Variants in ATP10B observed in about 807,000 individuals in gnomAD.
The protein encoded by ATP10B is phospholipid-transporting ATPase VB.
ATP10B carries 122 observed loss-of-function variants against 141.2 expected under a neutral mutation model. The ratio of observed to expected loss-of-function variants is 0.86; its 90% CI spans 0.75 to 1.00. The LOEUF (loss-of-function observed/expected upper bound fraction) is 1.00. Among genes scored for constraint, ATP10B ranks in the 50% least tolerant of loss-of-function variants. The pLI, the probability that ATP10B is intolerant of heterozygous loss-of-function variation, is 0.00. For missense variants in ATP10B, 1,876 were observed against 1,825.3 expected, an observed-to-expected ratio of 1.03 and a Z score of -0.51; for synonymous variants, 685 against 692.0, an observed-to-expected ratio of 0.99 and a Z score of 0.16.
At chr5:160,637,581 G>C (rs1017528451) in intron 10 of ATP10B, among the ~76,000 whole-genome samples, 1 of 152,190 alleles carries the variant, frequency 6.6e-6, no homozygotes, top group Non-Finnish European at 1.5e-5. Context: ...CTGCAAAGGA[G>C]ATAACAACAC....
At chr5:160,781,439 T>G (rs1424241204) in intron 2 of ATP10B, among the ~76,000 whole-genome samples, 1 of 152,080 alleles carries the variant, frequency 6.6e-6, no homozygotes, top group African/African-American at 2.4e-5. Flanking sequence ...GTTTGTTCAG[T>G]TAGCTCTTTT....
chr5:160,642,597 C>A (rs766472786), intron 9 of ATP10B, among the ~76,000 whole-genome samples: 1 of 152,072 alleles, frequency 6.6e-6, no homozygotes, highest in African/African-American at 2.4e-5. Flanking sequence ...GGACAGCCCC[C>A]GTCACAAAGA....
chr5:160,727,681 G>A, intron 2 of ATP10B, among the ~76,000 whole-genome samples: 1 of 151,940 alleles, frequency 6.6e-6, no homozygotes. Context: ...TCAGCTATGT[G>A]GTCATACAAC....
At position 160,607,088 on chromosome 5, in the gene ATP10B, T is replaced by C. The variant is rs1757436750; in HGVS notation, c.2839-2A>G. Reference sequence around the variant, plus strand: ...ATTGAGGATGGATTCACAGGTCTCCTATAAAGAAGCATAATAATACAGTAT... The same window carrying C: ...ATTGAGGATGGATTCACAGGTCTCCCATAAAGAAGCATAATAATACAGTAT... On this transcript the variant is annotated splice_acceptor_variant, in intron 18 of 25. Transcript: ENST00000327245. LOFTEE classifies it high-confidence loss of function. 1 of 1,609,152 alleles carries C rather than the reference T, an allele frequency of 6.2e-7. No individual in the cohort carries two copies. Among genetic ancestry groups the C allele is most frequent in the East Asian group, 2.2e-5 (1 of 44,756 alleles).
intron 1 of ATP10B, among the ~76,000 whole-genome samples, chr5:160,830,458 G>A (rs770828554): frequency 2.6e-5 from 4 of 152,070 alleles, no homozygotes; most frequent in South Asian, 2.1e-4. Flanking sequence ...AATTGTAATA[G>A]TGACACCAGA....
At chr5:160,911,847 G>A in the ATP10B span, among the ~76,000 whole-genome samples, 8 of 152,192 alleles carry the variant, frequency 5.3e-5, no homozygotes, top group Non-Finnish European at 1.0e-4. Flanking sequence ...CCTCATCCGT[G>A]AGGCAACAGC....
intron 25 of ATP10B, among the ~76,000 whole-genome samples, chr5:160,568,985 C>T (rs945823124): frequency 1.3e-5 from 2 of 152,144 alleles, no homozygotes; most frequent in Non-Finnish European, 2.9e-5. Flanking sequence ...CAATTTCATG[C>T]ACAATTTGAA....
At chr5:160,867,538 T>G in the ATP10B span, among the ~76,000 whole-genome samples, 1 of 152,078 alleles carries the variant, frequency 6.6e-6, no homozygotes, top group Non-Finnish European at 1.5e-5. Flanking sequence ...AAATCTCAGG[T>G]TTTTCCAAAA....
chr5:160,767,578 T>C (rs1561833383), intron 2 of ATP10B, among the ~76,000 whole-genome samples: 1 of 147,818 alleles, frequency 6.8e-6, no homozygotes, highest in African/African-American at 2.5e-5. Flanking sequence ...ATTACTTTGG[T>C]AGAAGCAAAA....
chr5:160,839,034 C>T (rs1243642491), intron 1 of ATP10B, among the ~76,000 whole-genome samples: 5 of 152,138 alleles, frequency 3.3e-5, no homozygotes, highest in South Asian at 2.1e-4. Context: ...TGTAAGCTTC[C>T]TAAGGCCCCA....
chr5:160,571,341 A>G (rs1036825790), intron 24 of ATP10B, among the ~76,000 whole-genome samples: 1 of 152,174 alleles, frequency 6.6e-6, no homozygotes, highest in African/African-American at 2.4e-5. Flanking sequence ...TATTAAGCCA[A>G]CCATTGAAAC....
intron 7 of ATP10B, among the ~76,000 whole-genome samples, chr5:160,663,935 A>G (rs934398670): frequency 1.3e-5 from 2 of 152,194 alleles, no homozygotes; most frequent in Non-Finnish European, 2.9e-5. Context: ...CACCTATTTT[A>G]CAGGGTTTTT....
intron 1 of ATP10B, among the ~76,000 whole-genome samples, chr5:160,832,195 C>G (rs182931181): frequency 1.3e-5 from 2 of 152,148 alleles, no homozygotes; most frequent in African/African-American, 4.8e-5. Flanking sequence ...CACCTTCAAA[C>G]TGGCAATTTT....
chr5:160,666,791 T>G (rs1762345354), intron 7 of ATP10B, among the ~76,000 whole-genome samples: 1 of 152,296 alleles, frequency 6.6e-6, no homozygotes, highest in African/African-American at 2.4e-5. Context: ...CCACTTTCAT[T>G]ATCCCTGCCA....
the ATP10B span, among the ~76,000 whole-genome samples, chr5:160,887,622 C>T: frequency 6.6e-6 from 1 of 152,270 alleles, no homozygotes; most frequent in African/African-American, 2.4e-5. Context: ...CTGACCTCAA[C>T]CTTGCTGTGT....
At chr5:160,791,933 A>G (rs1024151033) in intron 1 of ATP10B, among the ~76,000 whole-genome samples, 3 of 151,930 alleles carry the variant, frequency 2.0e-5, no homozygotes, top group African/African-American at 7.3e-5. Context: ...TATGAAAATG[A>G]CTCTAGCTGG....
the ATP10B span, among the ~76,000 whole-genome samples, chr5:160,902,158 A>C: frequency 6.6e-6 from 1 of 152,202 alleles, no homozygotes; most frequent in Non-Finnish European, 1.5e-5. Context: ...AAAAATTCAA[A>C]ACCAAATGGT....
intron 1 of ATP10B, among the ~76,000 whole-genome samples, chr5:160,789,551 G>T (rs2127903910): frequency 6.6e-6 from 1 of 152,262 alleles, no homozygotes; most frequent in East Asian, 1.9e-4. Flanking sequence ...AAAATCTTAT[G>T]GGACCACTAT....
At chr5:160,861,720 A>T in the ATP10B span, among the ~76,000 whole-genome samples, 10 of 152,088 alleles carry the variant, frequency 6.6e-5, no homozygotes, top group South Asian at 1.0e-3. Context: ...CTATTTGTAT[A>T]GGATAGTGGT....
Sources: gnomAD v4.1 joint callset for allele counts (sites outside exome capture counted in the v4.1 genomes callset) on GRCh38, gnomAD v4.1.1 for gene constraint, MANE v1.5 for transcripts, NCBI Gene and HGNC (gene_info 2026-07-23, HGNC 2026-07-21) for gene names.